The following CTNNA3 variants were observed in gnomAD, a reference collection of about 807,000 sequenced individuals.
CTNNA3 encodes the protein catenin alpha 3, also known as catenin alpha-3.
Under a neutral mutation model 95.7 loss-of-function variants are expected in CTNNA3, and 76 were observed. The observed-to-expected ratio is 0.79, with a 90% CI of 0.66 to 0.96. The LOEUF (loss-of-function observed/expected upper bound fraction) is 0.96. CTNNA3 is among the 40% of genes least tolerant of loss of function. The pLI is 0.00. For synonymous variants in CTNNA3, 431 were observed against 374.4 expected (o/e 1.15, Z -1.74); for missense variants, 1,191 against 1,089.8 (o/e 1.09, Z -1.31).
intron 9 of CTNNA3, among the ~76,000 whole-genome samples, chr10:66,733,495 T>C (rs1284083741): frequency 6.6e-6 from 1 of 151,840 alleles, no homozygotes; most frequent in East Asian, 1.9e-4. Flanking sequence ...TGTATGTTTT[T>C]ATTTTAAAGT....
chr10:66,162,102 A>T (rs2084882824), intron 13 of CTNNA3, among the ~76,000 whole-genome samples: 1 of 148,168 alleles, frequency 6.7e-6, no homozygotes, highest in African/African-American at 2.5e-5. Flanking sequence ...TTCTCCCTTC[A>T]CTTCTTGTAT....
At chr10:66,116,978 T>C (rs1467414187) in intron 13 of CTNNA3, among the ~76,000 whole-genome samples, 4 of 152,112 alleles carry the variant, frequency 2.6e-5, no homozygotes, top group Admixed American at 2.6e-4. Context: ...GGATTACAAT[T>C]CAACATGAAA....
chr10:67,202,522 A>G (rs188782608), intron 6 of CTNNA3, among the ~76,000 whole-genome samples: 2 of 152,192 alleles, frequency 1.3e-5, no homozygotes, highest in African/African-American at 4.8e-5. Flanking sequence ...GTAAAAACAG[A>G]TTCCTCTAAA....
rs555766570 is a variant in CTNNA3 at position 67,232,331 on chromosome 10, G to C, written c.580-12461C>G. ...GGATCTCTCAGCAGAAACTCTACAA[G>C]CCAGAAGAGAGTGGGGGCCAATATT... On this transcript the variant is annotated intron_variant, in intron 5 of 17. Transcript: ENST00000433211. 2.6e-5 allele frequency among the ~76,000 whole-genome samples: 4 copies of C among 152,276 alleles called. No individual in the cohort carries two copies. The East Asian group carries it at 7.7e-4, about 29-fold the overall frequency.
chr10:66,139,547 C>T (rs2083510472), intron 13 of CTNNA3, among the ~76,000 whole-genome samples: 1 of 152,072 alleles, frequency 6.6e-6, no homozygotes, highest in Admixed American at 6.6e-5. Context: ...CAGAGGTTTC[C>T]CAACTCTTGC....
chr10:66,107,143 G>C (rs996804921), intron 13 of CTNNA3, among the ~76,000 whole-genome samples: 1 of 152,260 alleles, frequency 6.6e-6, no homozygotes, highest in Non-Finnish European at 1.5e-5. Flanking sequence ...AAGCTGGGCT[G>C]TCTCTAAACC....
intron 11 of CTNNA3, among the ~76,000 whole-genome samples, chr10:66,418,275 A>C (rs2093162864): frequency 6.6e-6 from 1 of 151,820 alleles, no homozygotes; most frequent in Non-Finnish European, 1.5e-5. Flanking sequence ...ATCTAGAGGA[A>C]GTAGATACAT....
At chr10:67,454,048 A>G (rs1321622481) in intron 5 of CTNNA3, among the ~76,000 whole-genome samples, 1 of 152,190 alleles carries the variant, frequency 6.6e-6, no homozygotes, top group Admixed American at 6.5e-5. Flanking sequence ...TAAAATATGC[A>G]TTGGATATGA....
intron 13 of CTNNA3, among the ~76,000 whole-genome samples, chr10:66,218,118 T>G (rs2088673180): frequency 6.6e-6 from 1 of 152,152 alleles, no homozygotes; most frequent in South Asian, 2.1e-4. Context: ...TTTCCTTTTT[T>G]CTTTTCACCT....
chr10:67,673,057 C>T (rs1318562507), intron 1 of CTNNA3, among the ~76,000 whole-genome samples: 3 of 151,378 alleles, frequency 2.0e-5, no homozygotes, highest in African/African-American at 7.3e-5. Context: ...TTGTAGTTCT[C>T]CTTGAAGAGG....
chr10:66,425,941 A>T (rs72808723), intron 11 of CTNNA3, among the ~76,000 whole-genome samples: 7,510 of 152,142 alleles, frequency 0.049, 260 homozygotes, highest in East Asian at 0.11. Context: ...GACTTCTACC[A>T]GCATAAAATT....
At chr10:66,740,554 CCATTT>C (rs1318636966) in intron 9 of CTNNA3, among the ~76,000 whole-genome samples, 1 of 152,148 alleles carries the variant, frequency 6.6e-6, no homozygotes, top group Non-Finnish European at 1.5e-5. Context: ...CATGGCAGTT[CCATTT>C]AAGTGGAATA....
chr10:66,903,897 G>A (rs1845867420), intron 7 of CTNNA3, among the ~76,000 whole-genome samples: 1 of 152,210 alleles, frequency 6.6e-6, no homozygotes, highest in South Asian at 2.1e-4. Flanking sequence ...ACAAATGGAA[G>A]AACATTCCAT....
intron 1 of CTNNA3, among the ~76,000 whole-genome samples, chr10:67,674,068 T>C (rs1489326996): frequency 4.0e-5 from 6 of 151,890 alleles, no homozygotes; most frequent in Non-Finnish European, 8.8e-5. Flanking sequence ...GTATACATTC[T>C]GTTATGGGCT....
At chr10:67,243,081 G>A (rs1426030874) in intron 5 of CTNNA3, among the ~76,000 whole-genome samples, 1 of 151,970 alleles carries the variant, frequency 6.6e-6, no homozygotes, top group Non-Finnish European at 1.5e-5. Context: ...TTTAAACTGA[G>A]AGGTGTTTAC....
At chr10:65,972,109 T>A (rs1179853914) in intron 16 of CTNNA3, among the ~76,000 whole-genome samples, 3 of 151,970 alleles carry the variant, frequency 2.0e-5, no homozygotes, top group Admixed American at 2.0e-4. Flanking sequence ...AAATACAACA[T>A]CCCTTCATGA....
chr10:66,538,891 A>G (rs914637386), intron 10 of CTNNA3, among the ~76,000 whole-genome samples: 4 of 152,280 alleles, frequency 2.6e-5, no homozygotes, highest in Non-Finnish European at 5.9e-5. Flanking sequence ...GGTGTTTTTA[A>G]AAAATTTTCC....
rs1351378441 is a variant in CTNNA3 at position 65,916,934 on chromosome 10, G to A, written c.*3396C>T. 6.6e-6 allele frequency: 1 copy of A among 152,142 alleles called. No individual in the cohort carries two copies. Among genetic ancestry groups the A allele is most frequent in the East Asian group, 1.9e-4 (1 of 5,190 alleles). 9.4% of individuals were successfully genotyped at this position (152,142 alleles called of 1,614,324 possible). ...AGCCACTCATTATTTAATTTGAGGAGCATTAATTATTTGGTCTGAAGGCCC... is the reference window on the plus strand; with the variant it reads ...AGCCACTCATTATTTAATTTGAGGAACATTAATTATTTGGTCTGAAGGCCC... On this transcript the variant is annotated 3_prime_UTR_variant, in exon 18 of 18. Coordinates refer to ENST00000433211, the MANE Select transcript of CTNNA3 (RefSeq NM_013266.4).
chr10:67,512,895 G>T lies in CTNNA3; in HGVS notation c.579+8947C>A, dbSNP rs1045233130. On this transcript the variant is annotated intron_variant, in intron 5 of 17. Coordinates refer to ENST00000433211, the MANE Select transcript of CTNNA3 (RefSeq NM_013266.4). Reference sequence around the variant, plus strand: ...AGCTACTCGGGAAGCGGAGGCAGAAGAATTGCCTGAACCTGGGAGGCAGAG... The same window carrying T: ...AGCTACTCGGGAAGCGGAGGCAGAATAATTGCCTGAACCTGGGAGGCAGAG... Among the ~76,000 whole-genome samples the T allele has an allele frequency of 1.1e-4, 17 of 152,142 alleles. No individual in the cohort carries two copies. The East Asian group carries it at 3.3e-3, about 29-fold the overall frequency.
Sources: gnomAD v4.1 joint callset for allele counts (sites outside exome capture counted in the v4.1 genomes callset) on GRCh38, gnomAD v4.1.1 for gene constraint, MANE v1.5 for transcripts, NCBI Gene and HGNC (gene_info 2026-07-23, HGNC 2026-07-21) for gene names.